The following SYTL2 variants were observed in gnomAD, a reference collection of about 807,000 sequenced individuals.
SYTL2 encodes synaptotagmin like 2, also known as synaptotagmin-like protein 2.
Under a neutral mutation model 198.7 loss-of-function variants are expected in SYTL2, and 165 were observed. The observed-to-expected ratio is 0.83, with a 90% confidence interval of 0.73 to 0.94. The LOEUF (loss-of-function observed/expected upper bound fraction) is 0.94, where lower values mean the gene tolerates loss of function less well. Among genes scored for constraint, SYTL2 ranks in the 40% least tolerant of loss-of-function variants. The pLI, the probability that SYTL2 is intolerant of heterozygous loss-of-function variation, is 0.00. For synonymous variants in SYTL2, 966 were observed against 917.7 expected (o/e 1.05, Z -0.95); for missense variants, 2,835 against 2,582.8 (o/e 1.10, Z -2.12).
chr11:85,776,601 T>C (rs961466995), intron 1 of SYTL2, among the ~76,000 whole-genome samples: 1 of 152,222 alleles, frequency 6.6e-6, no homozygotes, highest in Non-Finnish European at 1.5e-5. Context: ...TGTGGCTGCA[T>C]AGTATCCATG....
At chr11:85,757,241 A>AT (rs11400282) in intron 2 of SYTL2, among the ~76,000 whole-genome samples, 101,444 of 152,036 alleles carry the variant, frequency 0.67, 34,100 homozygotes, top group Middle Eastern at 0.72. Context: ...AATTCTAAAA[A>AT]TTTTTTAAAA....
intron 1 of SYTL2, among the ~76,000 whole-genome samples, chr11:85,764,380 C>T (rs1173100087): frequency 6.6e-6 from 1 of 152,176 alleles, no homozygotes; most frequent in Admixed American, 6.5e-5. Flanking sequence ...AGGTATTCTC[C>T]ACATCCCATG....
chr11:85,849,372 G>A, the SYTL2 span, among the ~76,000 whole-genome samples: 2,306 of 152,184 alleles, frequency 0.015, 51 homozygotes, highest in African/African-American at 0.051. Flanking sequence ...GCCCATGCCT[G>A]TGTCCTGAAT....
rs2091319534 is a variant in SYTL2 at position 85,748,625 on chromosome 11, A to T, written c.102-202T>A. Among the ~76,000 whole-genome samples, 2 of 152,212 alleles carry T rather than the reference A, an allele frequency of 1.3e-5. 1 individual carries two copies. The highest frequency in any genetic ancestry group is 1.3e-4 in the Admixed American group (2 of 15,280). ...AGAAGACAAGGCCAACATTTTTTCAAATAAAGGTTTAATCCACGATTCCCG... is the reference window on the plus strand; with the variant it reads ...AGAAGACAAGGCCAACATTTTTTCATATAAAGGTTTAATCCACGATTCCCG... On this transcript the variant is annotated intron_variant, in intron 2 of 19. Transcript: ENST00000359152.
Position 85,810,936 on chromosome 11 carries a change from T to A in SYTL2, c.-390+18A>T, listed in dbSNP as rs2093023804. 1 of 152,220 alleles carries A rather than the reference T, an allele frequency of 6.6e-6. No individual in the cohort carries two copies. Among genetic ancestry groups the A allele is most frequent in the Non-Finnish European group, 1.5e-5 (1 of 68,054 alleles). 9.4% of individuals were successfully genotyped at this position (152,220 alleles called of 1,614,324 possible). A position where few individuals can be genotyped will look rare whatever the true frequency, so the allele number is the denominator to read the frequency against. On this transcript the variant is annotated intron_variant, in intron 1 of 19. Coordinates refer to ENST00000359152, the MANE Select transcript of SYTL2 (RefSeq NM_206927.4). The stretch of plus-strand genomic sequence containing the variant: ...CACAGCGAGTGGGCCAAGTAGAGAC[T>A]GGAACCCGAGTGCGCACCTCCGAGT...
At chr11:85,829,610 T>C in the SYTL2 span, among the ~76,000 whole-genome samples, 1 of 152,224 alleles carries the variant, frequency 6.6e-6, no homozygotes, top group African/African-American at 2.4e-5. Flanking sequence ...TGTTTTAAGT[T>C]CTTTGAGAAA....
chr11:85,749,718 T>C (rs147532294), intron 2 of SYTL2, among the ~76,000 whole-genome samples: 4 of 152,360 alleles, frequency 2.6e-5, no homozygotes, highest in African/African-American at 9.6e-5. Context: ...ATGTTCCTAA[T>C]GGTTTGACAC....
chr11:85,756,756 A>C (rs2091890360), intron 2 of SYTL2, among the ~76,000 whole-genome samples: 1 of 152,242 alleles, frequency 6.6e-6, no homozygotes, highest in Non-Finnish European at 1.5e-5. Flanking sequence ...GTTCTTTTAT[A>C]AATCATCCAC....
rs557741922 is a variant in SYTL2, at chr11:85,754,528, A to G, written c.101+3097T>C. On this transcript the variant is annotated intron_variant, in intron 2 of 19. Transcript: ENST00000359152. ...TTTTTAATTTAATTGACAAATAATA[A>G]TTTTGTATATTCATGAGGAAACAGT... 4.3e-4 allele frequency among the ~76,000 whole-genome samples: 66 copies of G among 152,290 alleles called. 1 individual carries two copies. Among genetic ancestry groups the G allele is most frequent in the African/African-American group, 1.4e-3 (60 of 41,566 alleles).
chr11:85,704,691 T>G (rs1219983565), intron 16 of SYTL2, among the ~76,000 whole-genome samples, 167 bp downstream of exon 16: 2 of 152,220 alleles, frequency 1.3e-5, no homozygotes, highest in Non-Finnish European at 2.9e-5. Context: ...GTTAAATGAT[T>G]TAAACATGTT....
At position 85,775,440 on chromosome 11, in the gene SYTL2, T is replaced by C. The variant is rs571637369; in HGVS notation, c.-389-17326A>G. Among the ~76,000 whole-genome samples the C allele has an allele frequency of 8.3e-4, 126 of 152,066 alleles. No homozygotes were observed. In the Middle Eastern group the frequency reaches 0.01, roughly 12 times the overall value. On this transcript the variant is annotated intron_variant, in intron 1 of 19. Transcript: ENST00000359152. ...ACTCTTCACAACCCTTCTTGGGAGGTAGGTAGAGCGGATAGGAATAAGTAT... is the reference window on the plus strand; with the variant it reads ...ACTCTTCACAACCCTTCTTGGGAGGCAGGTAGAGCGGATAGGAATAAGTAT...
At position 85,725,514 on chromosome 11, in the gene SYTL2, G is replaced by A. The variant is rs1318983307; in HGVS notation, c.3844C>T (p.Leu1282Phe). Residue 1282 changes from leucine to phenylalanine, a missense_variant, in exon 8 of 20, where the codon CTC becomes TTC. Physicochemically the swap from Leu to Phe is conservative, Grantham distance 22. Around this residue, in one of 3 missense-constraint regions of SYTL2, gnomAD observed 2,645 missense variants for 2,381.7 expected, o/e 1.11. Coordinates refer to ENST00000359152, the MANE Select transcript of SYTL2 (RefSeq NM_206927.4). ...TCACCACTTTCAGCTTTCTTGAGGA[G>A]AGCTGTATTTCCAAAAGTTTCATCT... Reference protein sequence around the residue: ...VRDETFGNTALLKKAESGECQ... With the variant: ...VRDETFGNTAFLKKAESGECQ... The A allele has an allele frequency of 4.3e-6, 7 of 1,613,928 alleles. No individual in the cohort carries two copies. The African/African-American group carries it at 5.3e-5, about 12-fold the overall frequency.
chr11:85,818,735 G>T, the SYTL2 span, among the ~76,000 whole-genome samples: 3 of 151,738 alleles, frequency 2.0e-5, no homozygotes, highest in Non-Finnish European at 2.9e-5. Flanking sequence ...CTATCACCCA[G>T]ACTGCAGGGA....
At chr11:85,826,453 T>G in the SYTL2 span, among the ~76,000 whole-genome samples, 1 of 152,198 alleles carries the variant, frequency 6.6e-6, no homozygotes, top group African/African-American at 2.4e-5. Context: ...AGATTCCATG[T>G]GTATGTGAGC....
rs757548182 is a variant in SYTL2 at position 85,734,064 on chromosome 11, T to C, written c.1265A>G (p.His422Arg). Residue 422 changes from histidine to arginine, a missense_variant, in exon 7 of 20, where the codon CAT (histidine) becomes CGT (arginine). By Grantham distance (29) the His-to-Arg change is conservative. Coordinates refer to ENST00000359152, the MANE Select transcript of SYTL2 (RefSeq NM_206927.4). The stretch of plus-strand genomic sequence containing the variant: ...TGCAGTTAAAACTTCTGAATGAGAA[T>C]GCAGCCCATTAATTGGAAAAGAACC... ...TSGSFPINGL[H>R]SHSEVLTARP... 45 of 1,614,002 alleles carry C rather than the reference T, an allele frequency of 2.8e-5. No individual in the cohort carries two copies. The highest frequency in any genetic ancestry group is 3.7e-5 in the Non-Finnish European group (44 of 1,179,956).
chr11:85,849,248 C>G, the SYTL2 span, among the ~76,000 whole-genome samples: 6 of 152,162 alleles, frequency 3.9e-5, no homozygotes, highest in Non-Finnish European at 5.9e-5. Flanking sequence ...GCTGCCTGTT[C>G]ACTCTGATGG....
At chr11:85,810,522 T>A (rs1342598354) in intron 1 of SYTL2, among the ~76,000 whole-genome samples, 1 of 151,972 alleles carries the variant, frequency 6.6e-6, no homozygotes, top group African/African-American at 2.4e-5. Context: ...GAAATCATCA[T>A]CCCCTGGCCG....
chr11:85,771,634 A>G (rs1289915675), intron 1 of SYTL2, among the ~76,000 whole-genome samples: 1 of 152,180 alleles, frequency 6.6e-6, no homozygotes, highest in Non-Finnish European at 1.5e-5. Flanking sequence ...CTGTAGGAGA[A>G]ACTGGCCCTT....
chr11:85,803,042 T>C lies in SYTL2; in HGVS notation c.-390+7912A>G, dbSNP rs78323357. On this transcript the variant is annotated intron_variant, in intron 1 of 19. Transcript: ENST00000359152. ...CTTGTTGGCCACTATGCTTCATAAC[T>C]CTGGCTTCTGACCTTCCACCTATGA... 9.7e-3 allele frequency among the ~76,000 whole-genome samples: 1,471 copies of C among 152,300 alleles called. 13 individuals carry two copies. Among genetic ancestry groups the C allele is most frequent in the Non-Finnish European group, 0.017 (1,127 of 68,012 alleles).
Sources: allele counts gnomAD v4.1 joint callset (sites outside exome capture counted in the v4.1 genomes callset), GRCh38; gene constraint gnomAD v4.1.1; regional missense constraint gnomAD v4.1.1; transcripts MANE v1.5; gene names NCBI Gene and HGNC (gene_info 2026-07-23, HGNC 2026-07-21).